Variants in GRIP1 observed in about 807,000 individuals in gnomAD.
GRIP1 encodes the protein glutamate receptor interacting protein 1.
A neutral mutation model predicts 129.9 loss-of-function variants in GRIP1; 45 were observed. The ratio of observed to expected loss-of-function variants is 0.35; its 90% confidence interval spans 0.27 to 0.44. The LOEUF (loss-of-function observed/expected upper bound fraction) is 0.44. GRIP1 is among the 20% of genes least tolerant of loss of function. The pLI is 1.00. For synonymous variants in GRIP1, 530 were observed against 520.8 expected (o/e 1.02, Z -0.24); for missense variants, 1,196 against 1,396.8 (o/e 0.86, Z 2.29).
At chr12:66,533,887 A>T (rs56784058) in intron 4 of GRIP1, among the ~76,000 whole-genome samples, 21,636 of 147,550 alleles carry the variant, frequency 0.15, 1,721 homozygotes, top group African/African-American at 0.2. Flanking sequence ...ACATACACAC[A>T]CTCTCTCTCT....
intron 1 of GRIP1, among the ~76,000 whole-genome samples, chr12:66,813,024 G>C (rs2039133302): frequency 6.6e-6 from 1 of 150,620 alleles, no homozygotes; most frequent in South Asian, 2.1e-4. Context: ...CTATATTATA[G>C]ATGAGGAGGT....
chr12:67,069,021 T>G, intron 1 of GRIP1: 90 of 321,390 alleles, frequency 2.8e-4, no homozygotes, highest in Non-Finnish European at 3.7e-4. Flanking sequence ...ACCCCTGCCC[T>G]CCCTCCCCGG....
intron 1 of GRIP1, among the ~76,000 whole-genome samples, chr12:66,731,099 A>T (rs928086002): frequency 7.9e-5 from 12 of 152,076 alleles, no homozygotes; most frequent in Non-Finnish European, 1.5e-4. Flanking sequence ...ATTTATTCTT[A>T]GAGAGATCTC....
At chr12:66,795,162 G>A (rs2038659305) in intron 1 of GRIP1, among the ~76,000 whole-genome samples, 1 of 152,174 alleles carries the variant, frequency 6.6e-6, no homozygotes, top group Non-Finnish European at 1.5e-5. Context: ...ACAAAAACAA[G>A]TATTAACCAG....
At chr12:66,827,451 GGACA>G (rs914702639) in intron 1 of GRIP1, among the ~76,000 whole-genome samples, 2 of 149,620 alleles carry the variant, frequency 1.3e-5, no homozygotes, top group African/African-American at 2.5e-5. Flanking sequence ...AGTGCCAAAA[GGACA>G]GACACTACAA....
At chr12:66,927,882 A>G (rs1031252443) in intron 1 of GRIP1, among the ~76,000 whole-genome samples, 1 of 152,230 alleles carries the variant, frequency 6.6e-6, no homozygotes, top group African/African-American at 2.4e-5. Flanking sequence ...GAGTGAGTAC[A>G]TGACCTATGT....
rs36142878 is a variant in GRIP1, at chr12:66,715,452, A to ATGTGTGTGTGTGTGTGTGTGTGTGTG, written c.-419-85117_-419-85116insCACACACACACACACACACACACACA. Among the ~76,000 whole-genome samples the ATGTGTGTGTGTGTGTGTGTGTGTGTG allele has an allele frequency of 7.7e-4, 56 of 73,058 alleles. 3 individuals carry two copies. The highest frequency in any genetic ancestry group is 1.3e-3 in the East Asian group (3 of 2,246). The allele number at this position is 73,058 out of a possible 152,430, so 47.9% of individuals were successfully genotyped here. A position where few individuals can be genotyped will look rare whatever the true frequency, so the allele number is the denominator to read the frequency against. On this transcript the variant is annotated intron_variant, in intron 1 of 4. Coordinates refer to the GRIP1 transcript ENST00000538373. ...TGCCACAGCAATGAATTGTAGCTTG[A>ATGTGTGTGTGTGTGTGTGTGTGTGTG]TGTGTGTGTGTGTGTGTGTGAGAGA...
At chr12:66,807,220 A>G (rs536314057), upstream of GRIP1, among the ~76,000 whole-genome samples, 12 of 152,308 alleles carry the variant, frequency 7.9e-5, no homozygotes, top group Middle Eastern at 3.4e-3. Context: ...TGTCCCCACC[A>G]AATCTCATGT....
Position 66,371,691 on chromosome 12 carries a change from G to C in GRIP1, c.3012+3C>G, listed in dbSNP as rs2055509560. 2 of 1,589,956 alleles carry C rather than the reference G, an allele frequency of 1.3e-6. No homozygotes were observed. The highest frequency in any genetic ancestry group is 2.7e-5 in the African/African-American group (2 of 74,452). Reference sequence around the variant, plus strand: ...CTAGGGAAAGAAGAGAAAGCTTACTGACCTTGTGCAGCTCCACAGGAGTTG... The same window carrying C: ...CTAGGGAAAGAAGAGAAAGCTTACTCACCTTGTGCAGCTCCACAGGAGTTG... On this transcript the variant is annotated splice_donor_region_variant and intron_variant, in intron 23 of 24. Coordinates refer to ENST00000359742, the MANE Select transcript of GRIP1 (RefSeq NM_001366722.1).
chr12:66,462,633 C>T (rs2059165612), intron 9 of GRIP1, among the ~76,000 whole-genome samples: 2 of 151,810 alleles, frequency 1.3e-5, no homozygotes, highest in Non-Finnish European at 2.9e-5. Flanking sequence ...GAAACCCTGT[C>T]TCTATTAAAA....
At chr12:66,982,992 C>T (rs904929334) in intron 1 of GRIP1, among the ~76,000 whole-genome samples, 2 of 152,138 alleles carry the variant, frequency 1.3e-5, no homozygotes, top group Admixed American at 6.5e-5. Context: ...TAAAAAGGAA[C>T]AAAATCAGCT....
intron 1 of GRIP1, among the ~76,000 whole-genome samples, chr12:66,857,287 G>T (rs1027637012): frequency 1.3e-5 from 2 of 151,772 alleles, no homozygotes; most frequent in African/African-American, 4.8e-5. Flanking sequence ...GACGACTATG[G>T]TATACATATG....
At chr12:66,991,874 A>G (rs1260470295) in intron 1 of GRIP1, among the ~76,000 whole-genome samples, 1 of 152,232 alleles carries the variant, frequency 6.6e-6, no homozygotes, top group East Asian at 1.9e-4. Context: ...CGCCATCTCA[A>G]CTTGGATTCC....
At chr12:66,752,190 C>T (rs2037148343) in intron 1 of GRIP1, among the ~76,000 whole-genome samples, 1 of 151,612 alleles carries the variant, frequency 6.6e-6, no homozygotes, top group South Asian at 2.1e-4. Flanking sequence ...TTGTTATAAG[C>T]TTCCATTTAA....
chr12:66,941,439 G>A (rs1032441703), intron 1 of GRIP1, among the ~76,000 whole-genome samples: 1 of 152,120 alleles, frequency 6.6e-6, no homozygotes, highest in Non-Finnish European at 1.5e-5. Flanking sequence ...GGTCACTGTT[G>A]CCATTTCTGA....
chr12:66,505,141 G>A (rs2060494127), intron 7 of GRIP1, among the ~76,000 whole-genome samples: 3 of 152,198 alleles, frequency 2.0e-5, no homozygotes, highest in African/African-American at 7.2e-5. Context: ...GGGAGATTAT[G>A]TGGGTGGTCC....
At chr12:66,757,785 A>G (rs1372918211) in intron 1 of GRIP1, among the ~76,000 whole-genome samples, 1 of 152,144 alleles carries the variant, frequency 6.6e-6, no homozygotes, top group Non-Finnish European at 1.5e-5. Context: ...GATAAAAGCC[A>G]TTTTAACTGG....
intron 1 of GRIP1, among the ~76,000 whole-genome samples, chr12:66,878,792 C>T (rs1057040135): frequency 7.2e-5 from 11 of 151,816 alleles, no homozygotes; most frequent in South Asian, 6.3e-4. Context: ...GAAGAAGTAT[C>T]GCGGAGAAAA....
chr12:67,019,041 G>T (rs1592474353), intron 1 of GRIP1, among the ~76,000 whole-genome samples: 2 of 152,028 alleles, frequency 1.3e-5, no homozygotes, highest in Admixed American at 6.6e-5. Context: ...GCTGATAACA[G>T]GTTTTTTCAC....
Sources: allele counts gnomAD v4.1 joint callset (sites outside exome capture counted in the v4.1 genomes callset), GRCh38; gene constraint gnomAD v4.1.1; transcripts MANE v1.5; gene names NCBI Gene and HGNC (gene_info 2026-07-23, HGNC 2026-07-21).